Variants in PMFBP1 observed in about 807,000 individuals in gnomAD.
PMFBP1 encodes polyamine-modulated factor 1-binding protein 1.
In PMFBP1, 131 loss-of-function variants were observed where a neutral mutation model predicts 137.8. The ratio of observed to expected loss-of-function variants is 0.95; its 90% CI spans 0.82 to 1.10. The LOEUF is 1.10. Ranked by LOEUF, PMFBP1 falls within the 50% of genes least tolerant of loss-of-function variation. The pLI, the probability that PMFBP1 is intolerant of heterozygous loss-of-function variation, is 0.00. For synonymous variants in PMFBP1, 490 were observed against 450.4 expected (o/e 1.09, Z -1.11); for missense variants, 1,199 against 1,175.4 (o/e 1.02, Z -0.29).
Position 72,136,515 on chromosome 16 carries a change from T to C in PMFBP1, c.1136A>G (p.Gln379Arg). ...ERKDKDITIL[Q>R]CRLQELQLEF... is the part of the protein sequence containing the mutation. ...CAGCTGCAGCTCCTGCAGCCGGCAC[T>C]GCAGGATGGTGATGTCCTTATCCTT... Residue 379 changes from glutamine (Q) to arginine (R), a missense_variant, in exon 9 of 21, where the codon CAG (glutamine) becomes CGG (arginine). Gln to Arg is a conservative substitution (Grantham distance 43). Transcript: ENST00000237353. 6.2e-7 allele frequency: 1 copy of C among 1,614,092 alleles called. No homozygotes were observed.
rs2043123662 is a variant in PMFBP1, at chr16:72,164,961, A to G, written c.13-45T>C. 1.8e-5 allele frequency: 27 copies of G among 1,528,404 alleles called. No homozygotes were observed. The East Asian group carries it at 6.2e-4, about 35-fold the overall frequency. The allele number at this position is 1,528,404 out of a possible 1,614,324, so 94.7% of individuals were successfully genotyped here. ...AAAGCATCAATTATAAACTATCAAG[A>G]AAGTGCTGCTTTCATTCACTTAACA... On this transcript the variant is annotated intron_variant, in intron 2 of 20. Transcript: ENST00000237353.
the PMFBP1 span, among the ~76,000 whole-genome samples, chr16:72,229,634 G>T: frequency 5.0e-4 from 76 of 151,806 alleles, no homozygotes; most frequent in African/African-American, 1.8e-3. Context: ...TCATATGCTT[G>T]TTGCCTGTGT....
At position 72,119,842 on chromosome 16, in the gene PMFBP1, C is replaced by G; in HGVS notation, c.3007+9G>C. The G allele has an allele frequency of 6.2e-7, 1 of 1,608,724 alleles. No homozygotes were observed. Among genetic ancestry groups the G allele is most frequent in the Admixed American group, 1.7e-5 (1 of 58,802 alleles). ...TCACACTTATTTTTTTGACAAATGG[C>G]AGACGTACCCGGGCAGTGGGGCATC... On this transcript the variant is annotated intron_variant, in intron 20 of 20. Coordinates refer to ENST00000237353, the MANE Select transcript of PMFBP1 (RefSeq NM_031293.3).
chr16:72,132,934 G>A lies in PMFBP1; in HGVS notation c.1261C>T (p.Gln421Ter). Residue 421 changes from glutamine to a stop codon, truncating the protein, a stop_gained, in exon 10 of 21, where the codon CAG becomes TAG. Coordinates refer to ENST00000237353, the MANE Select transcript of PMFBP1 (RefSeq NM_031293.3). LOFTEE classifies it high-confidence loss of function. ...TTCTCCTTTTTCAGGAGGCTGTTCTGAACCTGTGTCAGTTTCTTCTCCAGC... is the reference window on the plus strand; with the variant it reads ...TTCTCCTTTTTCAGGAGGCTGTTCTAAACCTGTGTCAGTTTCTTCTCCAGC... ...QELEKKLTQVQNSLLKKEKEL... is the reference protein window; with the variant it reads ...QELEKKLTQV The A allele has an allele frequency of 6.2e-7, 1 of 1,614,144 alleles. No individual in the cohort carries two copies. Among genetic ancestry groups the A allele is most frequent in the African/African-American group, 1.3e-5 (1 of 75,020 alleles).
the PMFBP1 span, among the ~76,000 whole-genome samples, chr16:72,181,893 C>G: frequency 6.6e-6 from 1 of 152,096 alleles, no homozygotes; most frequent in Non-Finnish European, 1.5e-5. Flanking sequence ...TTTTGGCTTC[C>G]CTGAGCCACA....
In PMFBP1 at chr16:72,139,287, AC is replaced by A. The variant is rs773837313; in HGVS notation, c.918+1del. 6.2e-7 allele frequency: 1 copy of A among 1,610,758 alleles called. No individual in the cohort carries two copies. The highest frequency in any genetic ancestry group is 8.5e-7 in the Non-Finnish European group (1 of 1,177,134). ...AGGCACAGATCAGCAAATTTCTCCC[AC>A]CTTTTTGATGTCTTCACACTCTTCT... On this transcript the variant is annotated splice_donor_variant, in intron 7 of 20. Transcript: ENST00000237353. LOFTEE classifies it high-confidence loss of function.
rs746359640 is a variant in PMFBP1, at chr16:72,120,061, G to C, written c.2797C>G (p.Gln933Glu). Residue 933 changes from glutamine to glutamate, a missense_variant, in exon 20 of 21, where the codon CAG becomes GAG. Gln to Glu is a conservative substitution (Grantham distance 29, BLOSUM62 2). Coordinates refer to ENST00000237353, the MANE Select transcript of PMFBP1 (RefSeq NM_031293.3). ...DHLHSVMVHL[Q>E]QENKKLKKEI... is the part of the protein sequence containing the mutation. ...TTCTTCAGCTTCTTGTTTTCCTGCT[G>C]CAAGTGGACCATTACACTGTGGAGG... 3.7e-5 allele frequency: 59 copies of C among 1,614,056 alleles called. 1 individual carries two copies. The East Asian group carries it at 1.2e-3, about 33-fold the overall frequency.
At chr16:72,221,071 G>A in the PMFBP1 span, among the ~76,000 whole-genome samples, 6 of 152,006 alleles carry the variant, frequency 3.9e-5, no homozygotes, top group African/African-American at 1.5e-4. Flanking sequence ...TGATTGCGCT[G>A]AGAACACCAA....
At chr16:72,175,921 T>C (rs1342403146), upstream of PMFBP1, among the ~76,000 whole-genome samples, 2 of 152,208 alleles carry the variant, frequency 1.3e-5, no homozygotes, top group Non-Finnish European at 2.9e-5. Flanking sequence ...CCAGAAAGTA[T>C]GATTGGAGCC....
intron 2 of PMFBP1, among the ~76,000 whole-genome samples, chr16:72,167,092 C>T (rs1479296400): frequency 6.6e-6 from 1 of 152,186 alleles, no homozygotes; most frequent in East Asian, 1.9e-4. Context: ...CCCAGAGGAA[C>T]TGGAGACCTG....
chr16:72,248,536 T>C, the PMFBP1 span, among the ~76,000 whole-genome samples: 5 of 152,212 alleles, frequency 3.3e-5, no homozygotes, highest in Admixed American at 6.5e-5. Context: ...ATAGGACAAC[T>C]GGCCAGAGCA....
the PMFBP1 span, among the ~76,000 whole-genome samples, chr16:72,228,062 A>G: frequency 6.6e-6 from 1 of 152,072 alleles, no homozygotes; most frequent in African/African-American, 2.4e-5. Context: ...CTCCCCATCA[A>G]AGGTTTTCAA....
At chr16:72,129,289 G>A in intron 12 of PMFBP1, 56 bp from the exon 13 acceptor site, 2 of 1,554,482 alleles carry the variant, frequency 1.3e-6, no homozygotes, top group African/African-American at 2.7e-5. Context: ...ATATTTGGGG[G>A]AAAAATACAG....
At chr16:72,202,152 G>C in the PMFBP1 span, among the ~76,000 whole-genome samples, 1 of 152,176 alleles carries the variant, frequency 6.6e-6, no homozygotes, top group Non-Finnish European at 1.5e-5. Flanking sequence ...GAGTGAATGA[G>C]TCGACTTGGG....
At chr16:72,213,198 G>A in the PMFBP1 span, among the ~76,000 whole-genome samples, 8 of 103,828 alleles carry the variant, frequency 7.7e-5, no homozygotes, top group African/African-American at 1.1e-4. Flanking sequence ...GCAAGAGCCC[G>A]GGGGGGGGTG....
At chr16:72,231,358 G>A in the PMFBP1 span, among the ~76,000 whole-genome samples, 14 of 152,010 alleles carry the variant, frequency 9.2e-5, no homozygotes, top group Non-Finnish European at 2.1e-4. Context: ...TGACCACAAC[G>A]AACCCCAAAT....
chr16:72,227,500 A>G, the PMFBP1 span, among the ~76,000 whole-genome samples: 2 of 152,204 alleles, frequency 1.3e-5, no homozygotes, highest in African/African-American at 4.8e-5. Flanking sequence ...TAGCATGATT[A>G]ATAAAATTGG....
intron 4 of PMFBP1, 140 bp downstream of exon 4, chr16:72,154,071 T>A: frequency 2.6e-6 from 3 of 1,153,336 alleles, no homozygotes; most frequent in Non-Finnish European, 3.7e-6. Flanking sequence ...AGATCAAGAA[T>A]TAAAGGGGGA....
chr16:72,134,913 T>A (rs1288846148), intron 9 of PMFBP1, among the ~76,000 whole-genome samples: 1 of 152,194 alleles, frequency 6.6e-6, no homozygotes, highest in Admixed American at 6.5e-5. Context: ...ACCGGCTGTC[T>A]CCCTACACAG....
Sources: allele counts gnomAD v4.1 joint callset (sites outside exome capture counted in the v4.1 genomes callset), GRCh38; gene constraint gnomAD v4.1.1; transcripts MANE v1.5; gene names NCBI Gene and HGNC (gene_info 2026-07-23, HGNC 2026-07-21).